The following PCNX2 variants were observed in gnomAD, a reference collection of about 807,000 sequenced individuals.
The protein encoded by PCNX2 is pecanex 2.
A neutral mutation model predicts 223.8 loss-of-function variants in PCNX2; 168 were observed. That is an observed-to-expected ratio of 0.75 (90% CI 0.66 to 0.85). The LOEUF is 0.85. Ranked by LOEUF, PCNX2 falls within the 40% of genes least tolerant of loss-of-function variation. The probability of loss-of-function intolerance (pLI) is 0.00; values close to 1 mark genes in which losing one functional copy is unlikely to be tolerated. For synonymous variants in PCNX2, 1,006 were observed against 1,052.6 expected, an observed-to-expected ratio of 0.96 and a Z score of 0.86; for missense variants, 2,507 against 2,675.5, an observed-to-expected ratio of 0.94 and a Z score of 1.39.
intron 13 of PCNX2, chr1:233,201,929 C>T (rs1288532034): frequency 1.5e-5 from 3 of 196,398 alleles, no homozygotes; most frequent in Non-Finnish European, 3.3e-5. Flanking sequence ...GATGCTCTGG[C>T]TGTGGGTGTA....
rs1659402263 is a variant in PCNX2, at chr1:233,250,733, A to G, written c.2222+6T>C. On this transcript the variant is annotated splice_donor_region_variant and intron_variant, in intron 8 of 33. Transcript: ENST00000258229. ...CTCTCAAGCCTGGAAACAAAGCTCCACTCACCGAGCCTGAGAGAGACAGTC... is the reference window on the plus strand; with the variant it reads ...CTCTCAAGCCTGGAAACAAAGCTCCGCTCACCGAGCCTGAGAGAGACAGTC... 6.3e-7 allele frequency: 1 copy of G among 1,597,564 alleles called. No individual in the cohort carries two copies. The highest frequency in any genetic ancestry group is 1.3e-5 in the African/African-American group (1 of 74,486).
At chr1:233,242,347 A>C (rs1182640494) in intron 8 of PCNX2, among the ~76,000 whole-genome samples, 1 of 152,292 alleles carries the variant, frequency 6.6e-6, no homozygotes, top group East Asian at 1.9e-4. Context: ...AAAATCCCCC[A>C]AAAAAGTACT....
At chr1:233,084,673 G>A (rs950473768) in intron 23 of PCNX2, among the ~76,000 whole-genome samples, 2 of 152,178 alleles carry the variant, frequency 1.3e-5, no homozygotes, top group Admixed American at 6.5e-5. Context: ...CTGGGCACAT[G>A]TATCATGTAA....
intron 23 of PCNX2, among the ~76,000 whole-genome samples, chr1:233,075,736 CACA>C (rs1316663893): frequency 6.7e-6 from 1 of 149,674 alleles, no homozygotes; most frequent in East Asian, 2.0e-4. Context: ...CACACACACA[CACA>C]ACAGAAAAGA....
chr1:233,120,604 G>A (rs984627197), intron 21 of PCNX2, among the ~76,000 whole-genome samples: 1 of 152,096 alleles, frequency 6.6e-6, no homozygotes, highest in African/African-American at 2.4e-5. Context: ...ATGAATTATC[G>A]ATCTCCACAA....
At chr1:233,181,766 G>T (rs899961123) in intron 15 of PCNX2, among the ~76,000 whole-genome samples, 2 of 152,150 alleles carry the variant, frequency 1.3e-5, no homozygotes, top group African/African-American at 4.8e-5. Context: ...CATGGTAGAA[G>T]ATGCAAGAGA....
chr1:233,097,944 G>C (rs1002369992), intron 21 of PCNX2, among the ~76,000 whole-genome samples: 1 of 152,204 alleles, frequency 6.6e-6, no homozygotes. Context: ...GTCTTGAAAA[G>C]TGGTGGTGGG....
chr1:233,260,399 T>C (rs1265577872), intron 4 of PCNX2, among the ~76,000 whole-genome samples: 1 of 152,214 alleles, frequency 6.6e-6, no homozygotes, highest in Non-Finnish European at 1.5e-5. Flanking sequence ...TGGAAGAATA[T>C]GTTTCATATG....
At chr1:233,171,739 T>C (rs1388348745) in intron 17 of PCNX2, among the ~76,000 whole-genome samples, 1 of 152,242 alleles carries the variant, frequency 6.6e-6, no homozygotes, top group African/African-American at 2.4e-5. Flanking sequence ...TCAATTCTGG[T>C]AAACTCTCAG....
intron 13 of PCNX2, among the ~76,000 whole-genome samples, chr1:233,205,702 A>C (rs542406451): frequency 1.1e-4 from 13 of 121,110 alleles, no homozygotes; most frequent in African/African-American, 3.6e-4. Flanking sequence ...TCAAAAAAAA[A>C]AAAAAACAAA....
At chr1:233,065,112 A>C (rs1337532167) in intron 23 of PCNX2, among the ~76,000 whole-genome samples, 1 of 152,128 alleles carries the variant, frequency 6.6e-6, no homozygotes, top group Non-Finnish European at 1.5e-5. Context: ...CTCTGTTTAC[A>C]TTCCCTCAGT....
At chr1:233,238,734 A>C (rs1327477550) in intron 8 of PCNX2, among the ~76,000 whole-genome samples, 1 of 152,040 alleles carries the variant, frequency 6.6e-6, no homozygotes, top group Non-Finnish European at 1.5e-5. Context: ...ACATGTAAAT[A>C]AACATAAACT....
intron 4 of PCNX2, 71 bp downstream of exon 4, chr1:233,261,213 CT>C (rs1238245215): frequency 1.8e-5 from 24 of 1,361,036 alleles, no homozygotes; most frequent in Non-Finnish European, 2.4e-5. Flanking sequence ...CACTGGCATT[CT>C]GTTTTATAAA....
intron 22 of PCNX2, among the ~76,000 whole-genome samples, chr1:233,094,552 T>C (rs943566012): frequency 6.6e-6 from 1 of 152,344 alleles, no homozygotes; most frequent in South Asian, 2.1e-4. Context: ...ACTCTTCGTA[T>C]GCTTAACATT....
At position 233,095,860 on chromosome 1, in the gene PCNX2, C is replaced by T. The variant is rs545931036; in HGVS notation, c.3841G>A (p.Gly1281Arg). 2.0e-5 allele frequency: 32 copies of T among 1,604,578 alleles called. No homozygotes were observed. In the East Asian group the frequency reaches 2.7e-4, roughly 13 times the overall value. ...AACTGTAACTTGTGAAGCAGGTCCC[C>T]GAGCTGAAAGTAAAAGAAAAAAAAT... is the stretch of plus-strand genomic sequence containing the variant. ...FMVSILFSKL[G>R]DLLHKLQFVL... The change falls in exon 22 of 34, where the codon GGG becomes AGG. Residue 1281 changes from glycine to arginine, a missense_variant. Coordinates refer to ENST00000258229, the MANE Select transcript of PCNX2 (RefSeq NM_014801.4).
chr1:233,141,495 G>A lies in PCNX2; in HGVS notation c.3518-1640C>T, dbSNP rs143724639. On this transcript the variant is annotated intron_variant, in intron 19 of 33. Coordinates refer to ENST00000258229, the MANE Select transcript of PCNX2 (RefSeq NM_014801.4). ...CAGCCTGGCCAACATGGCGAAATCCGACTCTACTAAAAATACAAAAGTTAG... is the reference window on the plus strand; with the variant it reads ...CAGCCTGGCCAACATGGCGAAATCCAACTCTACTAAAAATACAAAAGTTAG... 7.7e-3 allele frequency among the ~76,000 whole-genome samples: 1,176 copies of A among 152,108 alleles called. 16 individuals carry two copies. Among genetic ancestry groups the A allele is most frequent in the African/African-American group, 0.027 (1,104 of 41,502 alleles).
intron 25 of PCNX2, among the ~76,000 whole-genome samples, chr1:233,047,982 T>TA (rs1422410171): frequency 2.6e-5 from 4 of 151,934 alleles, no homozygotes; most frequent in South Asian, 2.1e-4. Flanking sequence ...TCAATAAATT[T>TA]AAAAAAAATG....
chr1:233,281,312 G>A (rs373350137), intron 1 of PCNX2, among the ~76,000 whole-genome samples: 2 of 152,136 alleles, frequency 1.3e-5, no homozygotes, highest in South Asian at 2.1e-4. Flanking sequence ...CTATTGATAG[G>A]GAACTATATC....
chr1:233,316,398 C>CT, the PCNX2 span, among the ~76,000 whole-genome samples: 27 of 151,982 alleles, frequency 1.8e-4, no homozygotes, highest in East Asian at 4.5e-3. Context: ...TTTAACTGCA[C>CT]TTTTTTTTCA....
Sources: allele counts gnomAD v4.1 joint callset (sites outside exome capture counted in the v4.1 genomes callset), GRCh38; gene constraint gnomAD v4.1.1; transcripts MANE v1.5; gene names NCBI Gene and HGNC (gene_info 2026-07-23, HGNC 2026-07-21).